The following PCDH7 variants were observed in gnomAD, a reference collection of about 807,000 sequenced individuals.
PCDH7 encodes the protein protocadherin-7.
Under a neutral mutation model 58.9 loss-of-function variants are expected in PCDH7, and 17 were observed. The observed-to-expected ratio is 0.29, with a 90% CI of 0.20 to 0.43. PCDH7 has a LOEUF of 0.43. Ranked by LOEUF, PCDH7 falls within the 20% of genes least tolerant of loss-of-function variation. The pLI, the probability that PCDH7 is intolerant of heterozygous loss-of-function variation, is 1.00. For synonymous variants in PCDH7, 664 were observed against 616.4 expected, an observed-to-expected ratio of 1.08 and a Z score of -1.14; for missense variants, 1,274 against 1,441.0, an observed-to-expected ratio of 0.88 and a Z score of 1.88.
intron 3 of PCDH7, among the ~76,000 whole-genome samples, chr4:31,015,638 C>G (rs1175845202): frequency 2.6e-5 from 4 of 152,158 alleles, no homozygotes; most frequent in Non-Finnish European, 5.9e-5. Flanking sequence ...CCTCATAAGC[C>G]TTTACCCATG....
intron 1 of PCDH7, among the ~76,000 whole-genome samples, chr4:30,846,848 G>A (rs1732031381): frequency 6.6e-6 from 1 of 152,096 alleles, no homozygotes; most frequent in Non-Finnish European, 1.5e-5. Flanking sequence ...ATGCAGCCAG[G>A]GGCAGTGGCT....
At chr4:31,111,454 G>A (rs143289275) in intron 3 of PCDH7, among the ~76,000 whole-genome samples, 1 of 151,980 alleles carries the variant, frequency 6.6e-6, no homozygotes, top group African/African-American at 2.4e-5. Flanking sequence ...GATTACAAGC[G>A]CCCGCAACCA....
intron 3 of PCDH7, among the ~76,000 whole-genome samples, chr4:31,035,604 TATC>T (rs746038207): frequency 2.6e-5 from 4 of 152,178 alleles, no homozygotes; most frequent in Admixed American, 6.5e-5. Flanking sequence ...TAGTGGCTGA[TATC>T]ATCCTCAGAA....
chr4:31,104,298 G>A (rs1433394794), intron 3 of PCDH7, among the ~76,000 whole-genome samples: 1 of 152,130 alleles, frequency 6.6e-6, no homozygotes, highest in East Asian at 1.9e-4. Flanking sequence ...GAGGTTTTGA[G>A]TAAATGCATT....
At chr4:30,840,488 G>A (rs757015747) in intron 1 of PCDH7, among the ~76,000 whole-genome samples, 4 of 151,918 alleles carry the variant, frequency 2.6e-5, no homozygotes, top group Non-Finnish European at 5.9e-5. Context: ...TCATACTTCC[G>A]TTATTGTATT....
intron 3 of PCDH7, among the ~76,000 whole-genome samples, chr4:31,063,621 C>A (rs570380348): frequency 5.3e-5 from 8 of 151,942 alleles, no homozygotes; most frequent in African/African-American, 1.9e-4. Flanking sequence ...TATTAAGTAG[C>A]AATGCTGTCA....
At chr4:30,850,948 C>A (rs1333091907) in intron 1 of PCDH7, among the ~76,000 whole-genome samples, 1 of 152,040 alleles carries the variant, frequency 6.6e-6, no homozygotes, top group East Asian at 1.9e-4. Context: ...ATTATGTATG[C>A]CTGGTCTCTA....
chr4:31,064,607 G>C (rs918350644), intron 3 of PCDH7, among the ~76,000 whole-genome samples: 6 of 151,912 alleles, frequency 3.9e-5, no homozygotes, highest in Non-Finnish European at 8.8e-5. Flanking sequence ...AGCAACCCTT[G>C]GTCTTCCTGG....
chr4:30,722,517 C>A lies in PCDH7; in HGVS notation c.1095C>A (p.Gly365=). The A allele has an allele frequency of 6.2e-7, 1 of 1,610,426 alleles. No individual in the cohort carries two copies. The highest frequency in any genetic ancestry group is 1.1e-5 in the South Asian group (1 of 90,924). The change falls in exon 1 of 2, where the codon GGC becomes GGA. Residue 365 remains glycine (G), a synonymous_variant. Coordinates refer to ENST00000361762, the Ensembl canonical transcript of PCDH7. The surrounding 1 kb of genome is among the most constrained non-coding windows in gnomAD (Gnocchi z 7.6). ...TGCTGCGCCTTGACGAGACGTCCGG[C>A]TGGCTCAGCGTCCTGCACCGGATCG...
chr4:30,783,670 G>A (rs967059275), intron 1 of PCDH7, among the ~76,000 whole-genome samples: 2 of 152,148 alleles, frequency 1.3e-5, no homozygotes, highest in African/African-American at 4.8e-5. Flanking sequence ...GGTGTGCAGT[G>A]TGTTCTTGTA....
chr4:31,053,960 C>CT (rs1314926900), intron 3 of PCDH7, among the ~76,000 whole-genome samples: 1 of 152,012 alleles, frequency 6.6e-6, no homozygotes, highest in Non-Finnish European at 1.5e-5. Flanking sequence ...CCTGGAACAA[C>CT]TTTTTTTGTT....
At chr4:30,865,321 G>T (rs547666357) in intron 1 of PCDH7, among the ~76,000 whole-genome samples, 3 of 152,012 alleles carry the variant, frequency 2.0e-5, no homozygotes, top group African/African-American at 7.2e-5. Flanking sequence ...TAGTGTTCAG[G>T]AGAGTGATCG....
intron 1 of PCDH7, among the ~76,000 whole-genome samples, chr4:30,765,608 T>C (rs1043844982): frequency 6.6e-6 from 1 of 152,198 alleles, no homozygotes; most frequent in African/African-American, 2.4e-5. Flanking sequence ...CTTTTTAAGA[T>C]TTATTTTCAA....
chr4:30,726,653 G>A (rs1163293414), intron 1 of PCDH7, among the ~76,000 whole-genome samples: 3 of 151,962 alleles, frequency 2.0e-5, no homozygotes, highest in Non-Finnish European at 4.4e-5. Context: ...AAAGCAATTG[G>A]AATGAATCAC....
At chr4:30,830,195 A>T (rs192781744) in intron 1 of PCDH7, among the ~76,000 whole-genome samples, 2 of 152,206 alleles carry the variant, frequency 1.3e-5, no homozygotes, top group East Asian at 3.9e-4. Flanking sequence ...AAAAGTGTAT[A>T]CTTATATCAT....
In PCDH7 at chr4:31,116,844, G is replaced by GT. The variant is rs987518533; in HGVS notation, c.*8-25621dup. 1.7e-3 allele frequency among the ~76,000 whole-genome samples: 252 copies of GT among 151,444 alleles called. 1 individual carries two copies. The highest frequency in any genetic ancestry group is 4.8e-3 in the African/African-American group (200 of 41,316). On this transcript the variant is annotated intron_variant, in intron 3 of 3. Transcript: ENST00000509759. ...GGGGTTTTTTTGTTGTTGTTGTTTGGTTTTTTTTGAGACGGAGTTTCGCTC... is the reference window on the plus strand; with the variant it reads ...GGGGTTTTTTTGTTGTTGTTGTTTGGTTTTTTTTTGAGACGGAGTTTCGCTC...
rs557178112 is a variant in PCDH7 at position 31,054,804 on chromosome 4, GGTTAA to G, written c.*8-87665_*8-87661del. 1.9e-4 allele frequency among the ~76,000 whole-genome samples: 29 copies of G among 152,168 alleles called. No individual in the cohort carries two copies. The East Asian group carries it at 4.8e-3, about 25-fold the overall frequency. ...AGTTCTTTTTTGTTGGTATCGTTCA[GGTTAA>G]GTTGTCTGCAGGTTTATTTTTAGAA... On this transcript the variant is annotated intron_variant, in intron 3 of 3. Coordinates refer to the PCDH7 transcript ENST00000509759.
chr4:31,017,756 GGATA>G (rs72111731), intron 3 of PCDH7, among the ~76,000 whole-genome samples: 22,519 of 151,952 alleles, frequency 0.15, 1,922 homozygotes, highest in African/African-American at 0.23. Flanking sequence ...CTCAAGGCGG[GGATA>G]GATAAAGAAC....
chr4:30,980,246 A>G (rs540060271), intron 3 of PCDH7, among the ~76,000 whole-genome samples: 2 of 152,226 alleles, frequency 1.3e-5, no homozygotes, highest in African/African-American at 2.4e-5. Flanking sequence ...TCTGGTAACA[A>G]AACACATTTT....
Sources: allele counts gnomAD v4.1 joint callset (sites outside exome capture counted in the v4.1 genomes callset), GRCh38; gene constraint gnomAD v4.1.1; non-coding constraint Gnocchi (gnomAD v3.1); transcripts MANE v1.5; gene names NCBI Gene and HGNC (gene_info 2026-07-23, HGNC 2026-07-21).